The following GALNT18 variants were observed in gnomAD, a reference collection of about 807,000 sequenced individuals.
GALNT18 encodes the protein GalNAc-transferase 18.
Under a neutral mutation model 69.5 loss-of-function variants are expected in GALNT18, and 44 were observed. The ratio of observed to expected loss-of-function variants is 0.63; its 90% CI spans 0.50 to 0.81. GALNT18 has a LOEUF of 0.81. Among genes scored for constraint, GALNT18 ranks in the 40% least tolerant of loss-of-function variants. The probability of loss-of-function intolerance (pLI) is 0.00; values close to 1 mark genes in which losing one functional copy is unlikely to be tolerated. For synonymous variants in GALNT18, 364 were observed against 318.2 expected (o/e 1.14, Z -1.53); for missense variants, 715 against 810.0 (o/e 0.88, Z 1.42).
intron 10 of GALNT18, among the ~76,000 whole-genome samples, chr11:11,277,120 G>A (rs1408237975): frequency 6.6e-6 from 1 of 152,162 alleles, no homozygotes; most frequent in Non-Finnish European, 1.5e-5. Context: ...GGTAGAATTT[G>A]GCTGTGAATC....
chr11:11,522,350 G>A (rs905991052), intron 1 of GALNT18, among the ~76,000 whole-genome samples: 1 of 152,158 alleles, frequency 6.6e-6, no homozygotes, highest in Non-Finnish European at 1.5e-5. Context: ...TCCAGTGGCC[G>A]ACAGGACTTA....
In GALNT18 at chr11:11,515,674, G is replaced by T. The variant is rs567984162; in HGVS notation, c.236-66738C>A. Reference sequence around the variant, plus strand: ...GGCCACGGGCTCTCTGATGGCGGTGGCCAGGGAAGGCCTCTCTGACCAGAT... The same window carrying T: ...GGCCACGGGCTCTCTGATGGCGGTGTCCAGGGAAGGCCTCTCTGACCAGAT... On this transcript the variant is annotated intron_variant, in intron 1 of 10. Transcript: ENST00000227756. Among the ~76,000 whole-genome samples, 4 of 152,338 alleles carry T rather than the reference G, an allele frequency of 2.6e-5. No homozygotes were observed. In the South Asian group the frequency reaches 6.2e-4, roughly 24 times the overall value.
chr11:11,499,493 A>G (rs1225909002), intron 1 of GALNT18, among the ~76,000 whole-genome samples: 2 of 150,724 alleles, frequency 1.3e-5, no homozygotes, highest in African/African-American at 4.9e-5. Flanking sequence ...CTGCATCAGC[A>G]TTTGCCCTCT....
Position 11,293,038 on chromosome 11 carries a change from C to A in GALNT18, c.1668G>T (p.Gln556His), listed in dbSNP as rs1157398145. 3 of 1,379,080 alleles carry A rather than the reference C, an allele frequency of 2.2e-6. No individual in the cohort carries two copies. Among genetic ancestry groups the A allele is most frequent in the South Asian group, 4.0e-5 (2 of 50,162 alleles). The allele number at this position is 1,379,080 out of a possible 1,614,324, so 85.4% of individuals were successfully genotyped here. Residue 556 changes from glutamine to histidine, a missense_variant, in exon 10 of 11, where the codon CAG becomes CAT. Gln to His is a conservative substitution (Grantham distance 24). Transcript: ENST00000227756. The stretch of plus-strand genomic sequence containing the variant: ...GCTCTGGGGCTGTTACCTGAGAGAA[C>A]TGCCAGTGAAGCTTCATCCTCTTGG... The part of the protein sequence containing the change: ...AKAKRMKLHW[Q>H]FSQGGPIQNR...
intron 9 of GALNT18, among the ~76,000 whole-genome samples, chr11:11,302,249 C>T (rs1311118202): frequency 4.6e-5 from 7 of 152,186 alleles, no homozygotes; most frequent in African/African-American, 1.4e-4. Flanking sequence ...TCCAAGGAGC[C>T]TGGAAGCAAG....
chr11:11,271,578 T>C (rs1187989377), intron 10 of GALNT18, among the ~76,000 whole-genome samples: 1 of 88,612 alleles, frequency 1.1e-5, no homozygotes, highest in African/African-American at 3.8e-5. Flanking sequence ...GTGGTACACC[T>C]GTTTGCACCT....
At position 11,404,089 on chromosome 11, in the gene GALNT18, C is replaced by T. The variant is rs774785285; in HGVS notation, c.596-24825G>A. Among the ~76,000 whole-genome samples the T allele has an allele frequency of 1.1e-4, 17 of 152,200 alleles. No homozygotes were observed. Among genetic ancestry groups the T allele is most frequent in the South Asian group, 2.1e-4 (1 of 4,832 alleles). On this transcript the variant is annotated intron_variant, in intron 3 of 10. Transcript: ENST00000227756. The surrounding 1 kb of genome is among the most constrained non-coding windows in gnomAD (Gnocchi z 4.5). Reference sequence around the variant, plus strand: ...CCAGGCAAATGATGAGCGAATGCCCCGCCACTTGCTGGCAGCAGGAGGAGA... The same window carrying T: ...CCAGGCAAATGATGAGCGAATGCCCTGCCACTTGCTGGCAGCAGGAGGAGA...
At chr11:11,471,261 C>G (rs532050990) in intron 1 of GALNT18, among the ~76,000 whole-genome samples, 13 of 152,240 alleles carry the variant, frequency 8.5e-5, no homozygotes, top group African/African-American at 3.1e-4. Flanking sequence ...AACATGGCGT[C>G]GGGCTCAGCA....
At chr11:11,457,307 T>A (rs1855945800) in intron 1 of GALNT18, among the ~76,000 whole-genome samples, 1 of 152,204 alleles carries the variant, frequency 6.6e-6, no homozygotes, top group Non-Finnish European at 1.5e-5. Flanking sequence ...TAGGACCAGA[T>A]CCCTGCAGAT....
intron 6 of GALNT18, among the ~76,000 whole-genome samples, chr11:11,370,949 T>G (rs1013930820): frequency 1.3e-5 from 2 of 152,164 alleles, no homozygotes; most frequent in Admixed American, 1.3e-4. Context: ...TGAAATGAGA[T>G]GGTGAGGATA....
At chr11:11,609,016 TTTC>T (rs1859821957) in intron 1 of GALNT18, among the ~76,000 whole-genome samples, 1 of 152,238 alleles carries the variant, frequency 6.6e-6, no homozygotes, top group African/African-American at 2.4e-5. Context: ...TCCTTAACTG[TTTC>T]TTGTTTTGTC....
intron 6 of GALNT18, among the ~76,000 whole-genome samples, chr11:11,357,108 G>A (rs6484839): frequency 0.41 from 62,620 of 151,732 alleles, 13,941 homozygotes; most frequent in African/African-American, 0.53. Flanking sequence ...AAATGTCCTT[G>A]TATATGGAAA....
intron 1 of GALNT18, among the ~76,000 whole-genome samples, chr11:11,544,387 T>C (rs1450332739): frequency 6.6e-6 from 1 of 152,218 alleles, no homozygotes; most frequent in Non-Finnish European, 1.5e-5. Flanking sequence ...TCTGTGCCAG[T>C]CACTATGCTA....
intron 1 of GALNT18, among the ~76,000 whole-genome samples, chr11:11,490,760 A>G (rs545928592): frequency 6.6e-6 from 1 of 152,326 alleles, no homozygotes; most frequent in Admixed American, 6.5e-5. Flanking sequence ...GGCAGATGTA[A>G]CCAAGAAGCC....
chr11:11,611,849 C>T (rs772114578), intron 1 of GALNT18, among the ~76,000 whole-genome samples: 9 of 152,126 alleles, frequency 5.9e-5, no homozygotes, highest in Non-Finnish European at 8.8e-5. Flanking sequence ...AAAGGCTGTC[C>T]ACAGCTTTGT....
chr11:11,332,624 C>G lies in GALNT18; in HGVS notation c.1416+70G>C. 6.4e-7 allele frequency: 1 copy of G among 1,568,622 alleles called. No individual in the cohort carries two copies. The highest frequency in any genetic ancestry group is 1.7e-5 in the Admixed American group (1 of 59,312). On this transcript the variant is annotated intron_variant, in intron 8 of 10. Coordinates refer to ENST00000227756, the MANE Select transcript of GALNT18 (RefSeq NM_198516.3). This position sits in a 1 kb window ranked among gnomAD's most constrained non-coding sequence, Gnocchi z 4.3. The stretch of plus-strand genomic sequence containing the variant: ...GAGCAGCTGAGAGGCTCTTTCCCTC[C>G]TCTCCCTTTCTTCACTATGTTTCTT...
In GALNT18 at chr11:11,497,273, A is replaced by T. The variant is rs1436358121; in HGVS notation, c.236-48337T>A. Among the ~76,000 whole-genome samples the T allele has an allele frequency of 1.3e-5, 2 of 151,648 alleles. No individual in the cohort carries two copies. The highest frequency in any genetic ancestry group is 2.9e-5 in the Non-Finnish European group (2 of 67,972). ...TTGTGTCCTGTTTTCCTCATAGCAT[A>T]TACCATTACTTAAAATTATCCTACT... On this transcript the variant is annotated intron_variant, in intron 1 of 10. Coordinates refer to ENST00000227756, the MANE Select transcript of GALNT18 (RefSeq NM_198516.3). This position sits in a 1 kb window ranked among gnomAD's most constrained non-coding sequence, Gnocchi z 4.2.
Position 11,341,296 on chromosome 11 carries a change from C to T in GALNT18, c.1093-292G>A, listed in dbSNP as rs1028220397. 4.6e-5 allele frequency among the ~76,000 whole-genome samples: 7 copies of T among 152,164 alleles called. No individual in the cohort carries two copies. The highest frequency in any genetic ancestry group is 1.2e-4 in the African/African-American group (5 of 41,430). On this transcript the variant is annotated intron_variant, in intron 6 of 10. Transcript: ENST00000227756. This position sits in a 1 kb window ranked among gnomAD's most constrained non-coding sequence, Gnocchi z 6.3. ...AGCCCTACCCCACCAAAAAAAGAGA[C>T]CAGACATTTTGTTCCAAAGATCTGA...
At position 11,606,771 on chromosome 11, in the gene GALNT18, A is replaced by G. The variant is rs1859767146; in HGVS notation, c.235+14588T>C. 6.6e-6 allele frequency among the ~76,000 whole-genome samples: 1 copy of G among 152,160 alleles called. No individual in the cohort carries two copies. Among genetic ancestry groups the G allele is most frequent in the African/African-American group, 2.4e-5 (1 of 41,430 alleles). On this transcript the variant is annotated intron_variant, in intron 1 of 10. Coordinates refer to ENST00000227756, the MANE Select transcript of GALNT18 (RefSeq NM_198516.3). This position sits in a 1 kb window ranked among gnomAD's most constrained non-coding sequence, Gnocchi z 5.4. ...TCCTGAAGTTGAGGGAAGTAACTGG[A>G]TGTAGAGGAAAATTGTCTAGACTTC...
Sources: gnomAD v4.1 joint callset for allele counts (sites outside exome capture counted in the v4.1 genomes callset) on GRCh38, gnomAD v4.1.1 for gene constraint, Gnocchi (gnomAD v3.1) non-coding constraint, MANE v1.5 for transcripts, NCBI Gene and HGNC (gene_info 2026-07-23, HGNC 2026-07-21) for gene names.